TMEM223: variants seen among roughly 807,000 people sequenced by gnomAD.
TMEM223 encodes transmembrane protein 223.
In TMEM223, 14 loss-of-function variants were observed where a neutral mutation model predicts 14.1. That is an observed-to-expected ratio of 0.99 (90% CI 0.66 to 1.55). TMEM223 has a LOEUF of 1.55. Ranked by LOEUF, TMEM223 falls within the 40% of genes most tolerant of loss-of-function variation. The pLI, the probability that TMEM223 is intolerant of heterozygous loss-of-function variation, is 0.00. For missense variants in TMEM223, 346 were observed against 269.9 expected, an observed-to-expected ratio of 1.28 and a Z score of -1.97; for synonymous variants, 145 against 120.5, an observed-to-expected ratio of 1.20 and a Z score of -1.33.
chr11:62,777,970 T>C (rs1818507090), intron 1 of TMEM223: 2 of 1,613,788 alleles, frequency 1.2e-6, no homozygotes, highest in East Asian at 2.2e-5. Context: ...AATTCCCTTT[T>C]TCCTCAGGCT....
chr11:62,787,886 T>C (rs1286328338), downstream of TMEM223: 2 of 560,674 alleles, frequency 3.6e-6, no homozygotes, highest in South Asian at 3.1e-5. Context: ...GTGCTGAGCT[T>C]TGTCGAGAAA....
chr11:62,776,430 T>G (rs1183584576), intron 1 of TMEM223: 4 of 1,613,796 alleles, frequency 2.5e-6, no homozygotes, highest in Non-Finnish European at 3.4e-6. Context: ...AAGCTGACGG[T>G]TGAGGACTTC....
intron 1 of TMEM223, among the ~76,000 whole-genome samples, chr11:62,781,487 C>T (rs1249458686): frequency 6.6e-6 from 1 of 151,746 alleles, no homozygotes; most frequent in Non-Finnish European, 1.5e-5. Flanking sequence ...TCCTGGCTAA[C>T]ACGGTGAAAC....
chr11:62,789,109 C>T (rs771672442), downstream of TMEM223: 1 of 1,614,228 alleles, frequency 6.2e-7, no homozygotes, highest in Non-Finnish European at 8.5e-7. Flanking sequence ...CAGCACCATC[C>T]CTGTGCTACT....
rs2084349468 is a variant in TMEM223, at chr11:62,790,624, C to T, written c.608G>A (p.Ter203=). The change falls in exon 2 of 2, where the codon TGA becomes TAA. Residue 203 remains the stop codon, a stop_retained_variant. Transcript: ENST00000307366. ...DNTVGAYRSL[*] Reference sequence around the variant, plus strand: ...GGTGAGTGACTTGAGGTCATTTCTTCACAAGCTCCGGTAGGCACCCACAGT... The same window carrying T: ...GGTGAGTGACTTGAGGTCATTTCTTTACAAGCTCCGGTAGGCACCCACAGT... 1.9e-6 allele frequency: 3 copies of T among 1,604,620 alleles called. No individual in the cohort carries two copies. Among genetic ancestry groups the T allele is most frequent in the African/African-American group, 2.7e-5 (2 of 74,730 alleles).
Position 62,791,733 on chromosome 11 carries a change from C to T in TMEM223, c.262G>A (p.Asp88Asn), listed in dbSNP as rs1425359644. ...TAGCGCCAGAGCGCGGAGCGCAGGT[C>T]GAAGGGGCCACGATTTGGGACCTCC... ...DAEVPNRGPF[D>N]LRSALWRYGL... The change falls in exon 1 of 2, where the codon GAC becomes AAC. Residue 88 changes from aspartate to asparagine, a missense_variant. Transcript: ENST00000307366. 6.4e-7 allele frequency: 1 copy of T among 1,558,750 alleles called. No individual in the cohort carries two copies. The highest frequency in any genetic ancestry group is 2.4e-5 in the East Asian group (1 of 41,566).
chr11:62,774,591 C>T (rs934776437), intron 2 of TMEM223: 1 of 454,704 alleles, frequency 2.2e-6, no homozygotes, highest in African/African-American at 2.0e-5. Flanking sequence ...GCACGGGAGC[C>T]TACCTTCTGG....
At chr11:62,789,364 T>C (rs1439177278), downstream of TMEM223, 2 of 1,614,016 alleles carry the variant, frequency 1.2e-6, no homozygotes, top group African/African-American at 1.3e-5. Flanking sequence ...TGTCTGCCTG[T>C]ATCCTTCGAT....
downstream of TMEM223, among the ~76,000 whole-genome samples, chr11:62,783,259 G>T: frequency 6.6e-6 from 1 of 152,030 alleles, no homozygotes; most frequent in Non-Finnish European, 1.5e-5. Context: ...GAGGTGGGCG[G>T]ATCACAAGGT....
At position 62,791,826 on chromosome 11, in the gene TMEM223, C is replaced by T. The variant is rs966128953; in HGVS notation, c.169G>A (p.Val57Ile). 7 of 1,586,800 alleles carry T rather than the reference C, an allele frequency of 4.4e-6. No homozygotes were observed. Among genetic ancestry groups the T allele is most frequent in the Non-Finnish European group, 5.1e-6 (6 of 1,167,448 alleles). ...ILGLFCAGQGVFWASMAVAAV... is the reference protein window; with the variant it reads ...ILGLFCAGQGIFWASMAVAAV... ...GCCACAGCCATGGAAGCCCAGAAGA[C>T]GCCCTGGCCCGCGCAGAACAGCCCG... The change falls in exon 1 of 2, where the codon GTC becomes ATC. Residue 57 changes from valine (V) to isoleucine (I), a missense_variant. By Grantham distance (29) the Val-to-Ile change is conservative. Transcript: ENST00000307366.
At chr11:62,779,030 T>G (rs2084208132) in intron 1 of TMEM223, 1 of 1,456,128 alleles carries the variant, frequency 6.9e-7, no homozygotes, top group South Asian at 1.2e-5. Context: ...TTTTTTTTTT[T>G]TTTTTTTGAG....
intron 2 of TMEM223, among the ~76,000 whole-genome samples, chr11:62,773,367 A>G (rs921022865): frequency 2.0e-5 from 3 of 150,968 alleles, no homozygotes; most frequent in South Asian, 2.1e-4. Flanking sequence ...AGGCTGGTCT[A>G]GAACTCCTGA....
chr11:62,791,706 C>T lies in TMEM223; in HGVS notation c.289G>A (p.Gly97Ser), dbSNP rs1390029411. The change falls in exon 1 of 2, where the codon GGT becomes AGT. Residue 97 changes from glycine to serine, a missense_variant. Transcript: ENST00000307366. ...FDLRSALWRY[G>S]LAVGCGAIGA... ...ATGGCGCCGCAGCCGACGGCCAGAC[C>T]GTAGCGCCAGAGCGCGGAGCGCAGG... 1.9e-5 allele frequency: 30 copies of T among 1,548,556 alleles called. No homozygotes were observed. The highest frequency in any genetic ancestry group is 2.4e-5 in the Non-Finnish European group (28 of 1,146,484).
Position 62,790,166 on chromosome 11 carries a change from G to T in TMEM223, c.*457C>A. The T allele has an allele frequency of 1.7e-6, 2 of 1,178,310 alleles. No individual in the cohort carries two copies. Among genetic ancestry groups the T allele is most frequent in the Non-Finnish European group, 2.3e-6 (2 of 871,066 alleles). 73.0% of individuals were successfully genotyped at this position (1,178,310 alleles called of 1,614,324 possible). A position where few individuals can be genotyped will look rare whatever the true frequency, so the allele number is the denominator to read the frequency against. On this transcript the variant is annotated 3_prime_UTR_variant, in exon 2 of 2. Coordinates refer to ENST00000307366, the MANE Select transcript of TMEM223 (RefSeq NM_001080501.3). Reference sequence around the variant, plus strand: ...TTTTCCTTTCGTTGGGGGGTGGGGGGGAAACATAATGACAGGCCCCCCTCC... The same window carrying T: ...TTTTCCTTTCGTTGGGGGGTGGGGGTGAAACATAATGACAGGCCCCCCTCC...
At chr11:62,782,977 T>C (rs928149712), downstream of TMEM223, 52 of 1,192,826 alleles carry the variant, frequency 4.4e-5, no homozygotes, top group African/African-American at 7.2e-4. Flanking sequence ...ATACTTGACT[T>C]TCTGAATGTA....
At chr11:62,787,445 G>C (rs771398878), downstream of TMEM223, 2 of 1,568,802 alleles carry the variant, frequency 1.3e-6, no homozygotes, top group African/African-American at 2.7e-5. Flanking sequence ...GCGCTGTCCT[G>C]GCTGCAGCGC....
chr11:62,789,255 C>T, downstream of TMEM223: 1 of 1,613,974 alleles, frequency 6.2e-7, no homozygotes, highest in Non-Finnish European at 8.5e-7. Context: ...TAGGATGAGC[C>T]TCACCTCCAC....
chr11:62,774,598 C>A, exon 2 of TMEM223: 1 of 454,940 alleles, frequency 2.2e-6, no homozygotes, highest in Middle Eastern at 5.0e-4. Context: ...AGCCTACCTT[C>A]TGGTGCTGTG....
downstream of TMEM223, chr11:62,789,430 A>G (rs1753942567): frequency 6.2e-7 from 1 of 1,613,772 alleles, no homozygotes. Context: ...CAATTAGGTA[A>G]TGGGAGAGGG....
Sources: allele counts gnomAD v4.1 joint callset (sites outside exome capture counted in the v4.1 genomes callset), GRCh38; gene constraint gnomAD v4.1.1; transcripts MANE v1.5; gene names NCBI Gene and HGNC (gene_info 2026-07-23, HGNC 2026-07-21).